BCORL1: variants seen among roughly 807,000 people sequenced by gnomAD.
BCORL1 encodes the protein BCL-6 corepressor-like protein 1.
BCORL1 carries 7 observed loss-of-function variants against 87.6 expected under a neutral mutation model. The ratio of observed to expected loss-of-function variants is 0.08; its 90% CI spans 0.05 to 0.15. BCORL1 has a LOEUF of 0.15. Ranked by LOEUF, BCORL1 falls within the 10% of genes least tolerant of loss-of-function variation. The pLI is 1.00. For missense variants in BCORL1, 1,215 were observed against 1,499.7 expected, an observed-to-expected ratio of 0.81 and a Z score of 3.13; for synonymous variants, 591 against 634.4, an observed-to-expected ratio of 0.93 and a Z score of 1.03.
At chrX:130,049,379 CAG>C (rs1189189287) in intron 11 of BCORL1, among the ~76,000 whole-genome samples, 3 of 111,614 alleles carry the variant, frequency 2.7e-5, no homozygotes, top group Non-Finnish European at 5.6e-5. Context: ...TGTTTTGAGA[CAG>C]AGTCTTGCTC....
At chrX:130,043,784 A>ATATTTTTT (rs1556131020) in intron 11 of BCORL1, among the ~76,000 whole-genome samples, 1 of 15,974 alleles carries the variant, frequency 6.3e-5, no homozygotes, top group Non-Finnish European at 8.7e-5. Flanking sequence ...ATATATATAT[A>ATATTTTTT]TTTTTTTTTT....
At chrX:130,007,952 C>T (rs1928625130) in intron 2 of BCORL1, among the ~76,000 whole-genome samples, 2 of 111,267 alleles carry the variant, frequency 1.8e-5, no homozygotes, top group African/African-American at 6.5e-5. Flanking sequence ...GAGATGGAGT[C>T]TTGCTCTGTT....
chrX:130,041,319 A>G (rs1436993680), intron 11 of BCORL1, among the ~76,000 whole-genome samples: 6 of 108,713 alleles, frequency 5.5e-5, no homozygotes, highest in Admixed American at 3.0e-4. Flanking sequence ...GAGGAGAGAA[A>G]TAAACACGTT....
Position 130,056,040 on chromosome X carries a change from C to G in BCORL1, c.5262C>G (p.Pro1754=), listed in dbSNP as rs149485792. ...ERPGGLDDRS[P]PGSSETVELV... ...CTGGAGGCTTGGACGACAGATCCCC[C>G]CCAGGCTCCTCTGAGACTGTGGAGC... Residue 1754 remains proline (P), a synonymous_variant, in exon 14 of 14, where the codon CCC becomes CCG. Coordinates refer to ENST00000540052, the MANE Select transcript of BCORL1 (RefSeq NM_001379451.1). 2 of 1,210,609 alleles carry G rather than the reference C, an allele frequency of 1.7e-6. No individual in the cohort carries two copies. The highest frequency in any genetic ancestry group is 3.5e-5 in the African/African-American group (2 of 57,364).
intron 12 of BCORL1, among the ~76,000 whole-genome samples, chrX:130,051,036 C>A (rs979498673): frequency 3.6e-5 from 4 of 111,734 alleles, no homozygotes; most frequent in Non-Finnish European, 5.6e-5. Flanking sequence ...TTAAAAAATT[C>A]TCTTTCTTCC....
chrX:130,030,274 A>G (rs941633263), intron 8 of BCORL1, among the ~76,000 whole-genome samples: 50 of 111,842 alleles, frequency 4.5e-4, no homozygotes, highest in African/African-American at 1.6e-3. Flanking sequence ...ATAGCGTGGC[A>G]GGGTAGCAGC....
At chrX:130,052,508 G>A (rs1327034235) in intron 13 of BCORL1, among the ~76,000 whole-genome samples, 3 of 112,653 alleles carry the variant, frequency 2.7e-5, no homozygotes, top group Non-Finnish European at 3.8e-5. Flanking sequence ...CTAGATGACT[G>A]TGCATATTAT....
chrX:129,980,634 C>T (rs1396572719), upstream of BCORL1, among the ~76,000 whole-genome samples: 1 of 111,771 alleles, frequency 8.9e-6, no homozygotes, highest in African/African-American at 3.2e-5. Context: ...AGGCCAGCAC[C>T]CAGGCAAGGG....
intron 1 of BCORL1, among the ~76,000 whole-genome samples, chrX:130,002,294 A>G (rs1569360746): frequency 2.7e-5 from 3 of 109,865 alleles, no homozygotes; most frequent in Non-Finnish European, 5.7e-5. Context: ...GTCTGGGCCT[A>G]AGGAGAGAGG....
intron 9 of BCORL1, among the ~76,000 whole-genome samples, chrX:130,035,700 C>G (rs1029188362): frequency 8.9e-6 from 1 of 112,220 alleles, no homozygotes; most frequent in Middle Eastern, 4.6e-3. Context: ...AAACAAAAAT[C>G]AAGACCAATC....
intron 2 of BCORL1, among the ~76,000 whole-genome samples, chrX:130,007,220 T>C (rs1247429725): frequency 8.9e-6 from 1 of 112,379 alleles, no homozygotes; most frequent in Non-Finnish European, 1.9e-5. Context: ...GATAGCTTAA[T>C]GTTCTCTGTA....
At chrX:129,981,618 A>T (rs1926102182), upstream of BCORL1, 1 of 108,011 alleles carries the variant, frequency 9.3e-6, no homozygotes, top group African/African-American at 3.4e-5. Flanking sequence ...CGGGTATTCA[A>T]ATCTGGGGGG....
At chrX:130,054,020 T>C (rs939931567) in intron 13 of BCORL1, among the ~76,000 whole-genome samples, 6 of 112,112 alleles carry the variant, frequency 5.4e-5, no homozygotes, top group Non-Finnish European at 1.1e-4. Context: ...ATGTTTAAGG[T>C]GCTGGAACAG....
chrX:129,998,846 T>C (rs1227864300), intron 1 of BCORL1, among the ~76,000 whole-genome samples: 1 of 111,218 alleles, frequency 9.0e-6, no homozygotes, highest in East Asian at 2.8e-4. Context: ...CAGAGGCTAC[T>C]GTTAATTAGC....
chrX:130,015,002 C>T lies in BCORL1; in HGVS notation c.2230C>T (p.His744Tyr). 1 of 1,211,950 alleles carries T rather than the reference C, an allele frequency of 8.3e-7. No individual in the cohort carries two copies. The highest frequency in any genetic ancestry group is 1.7e-5 in the African/African-American group (1 of 57,821). The change falls in exon 4 of 14, where the codon CAT becomes TAT. Residue 744 changes from histidine to tyrosine, a missense_variant. His to Tyr is a moderately conservative substitution (Grantham distance 83, BLOSUM62 2). This residue lies in a region of BCORL1 where 861 missense variants were observed against 1,010.0 expected (regional missense o/e 0.85). Transcript: ENST00000540052. ...CCTGGGCCTCAACCGTGACCCCCGC[C>T]ATCTCCCCAAGCAGGAGCCCATCTC... ...PNLGLNRDPR[H>Y]LPKQEPISII... is the part of the protein sequence containing the mutation.
At chrX:129,993,446 G>T (rs1927332885) in intron 1 of BCORL1, among the ~76,000 whole-genome samples, 1 of 112,545 alleles carries the variant, frequency 8.9e-6, no homozygotes, top group African/African-American at 3.2e-5. Context: ...AGCACTTTGG[G>T]AGGCAAAGGC....
rs1929202197 is a variant in BCORL1, at chrX:130,013,995, C to T, written c.1223C>T (p.Ser408Phe). Residue 408 changes from serine (S) to phenylalanine (F), a missense_variant, in exon 4 of 14, where the codon TCT (serine) becomes TTT (phenylalanine). By Grantham distance (155) the Ser-to-Phe change is radical. This residue lies in a region of BCORL1 where 861 missense variants were observed against 1,010.0 expected (regional missense o/e 0.85). Coordinates refer to ENST00000540052, the MANE Select transcript of BCORL1 (RefSeq NM_001379451.1). Reference protein sequence around the residue: ...PAATPAAIPTSAPIPASFSLS... With the variant: ...PAATPAAIPTFAPIPASFSLS... ...GCCACGCCAGCTGCCATTCCCACCT[C>T]TGCACCCATCCCGGCCTCCTTCAGT... 1 of 1,208,043 alleles carries T rather than the reference C, an allele frequency of 8.3e-7. No homozygotes were observed. Among genetic ancestry groups the T allele is most frequent in the Non-Finnish European group, 1.1e-6 (1 of 894,385 alleles).
Position 130,014,897 on chromosome X carries a change from C to A in BCORL1, c.2125C>A (p.Leu709Met), listed in dbSNP as rs1030324283. The change falls in exon 4 of 14, where the codon CTG (leucine) becomes ATG (methionine). Residue 709 changes from leucine (L) to methionine (M), a missense_variant. Around this residue, in one of 5 missense-constraint regions of BCORL1, gnomAD observed 861 missense variants for 1,010.0 expected, o/e 0.85. Transcript: ENST00000540052. ...CACCTGGGTGAAGAACTCAACTGCA[C>A]TGATCAGCACCATTCCTGGCACCTA... ...PSTWVKNSTALISTIPGTYVG... is the reference protein window; with the variant it reads ...PSTWVKNSTAMISTIPGTYVG... 8.3e-7 allele frequency: 1 copy of A among 1,209,699 alleles called. No homozygotes were observed. The highest frequency in any genetic ancestry group is 1.8e-5 in the African/African-American group (1 of 57,046).
chrX:129,980,950 G>C (rs1211347156), upstream of BCORL1, among the ~76,000 whole-genome samples: 3 of 109,375 alleles, frequency 2.7e-5, no homozygotes, highest in Non-Finnish European at 5.8e-5. Context: ...AGTTGTGAGC[G>C]GGGTCTGGCC....
Sources: allele counts gnomAD v4.1 joint callset (sites outside exome capture counted in the v4.1 genomes callset), GRCh38; gene constraint gnomAD v4.1.1; regional missense constraint gnomAD v4.1.1; transcripts MANE v1.5; gene names NCBI Gene and HGNC (gene_info 2026-07-23, HGNC 2026-07-21).